The following PHACTR1 variants were observed in gnomAD, a reference collection of about 807,000 sequenced individuals.
PHACTR1 encodes the protein RPEL repeat containing 1.
A neutral mutation model predicts 69.2 loss-of-function variants in PHACTR1; 16 were observed. The ratio of observed to expected loss-of-function variants is 0.23; its 90% confidence interval spans 0.16 to 0.35. The LOEUF (loss-of-function observed/expected upper bound fraction) is 0.35, where lower values mean the gene tolerates loss of function less well. PHACTR1 is among the 10% of genes least tolerant of loss of function. The pLI, the probability that PHACTR1 is intolerant of heterozygous loss-of-function variation, is 1.00. For synonymous variants in PHACTR1, 312 were observed against 284.5 expected (o/e 1.10, Z -0.97); for missense variants, 510 against 734.7 (o/e 0.69, Z 3.54).
intron 4 of PHACTR1, among the ~76,000 whole-genome samples, chr6:12,968,637 CT>C (rs1225536194): frequency 6.6e-6 from 1 of 152,106 alleles, no homozygotes; most frequent in Non-Finnish European, 1.5e-5. Flanking sequence ...GTGATGTGAG[CT>C]TTTTTTGTCA....
intron 4 of PHACTR1, among the ~76,000 whole-genome samples, chr6:12,825,054 G>A (rs1776638648): frequency 6.6e-6 from 1 of 152,162 alleles, no homozygotes; most frequent in Non-Finnish European, 1.5e-5. Flanking sequence ...CAAGGCAGGA[G>A]GATAACTTGA....
In PHACTR1 at chr6:13,179,405, CGTGTGTGTGTGTGTGTGTGTGT is replaced by C. The variant is rs4053019; in HGVS notation, c.497-3095_497-3074del. ...TATACAGCCCATTACATTAATGTTT[CGTGTGTGTGTGTGTGTGTGTGT>C]GTGTGTGTGTGTGTGTGTTTAAAAA... On this transcript the variant is annotated intron_variant, in intron 6 of 14. Coordinates refer to ENST00000332995, the MANE Select transcript of PHACTR1 (RefSeq NM_030948.6). This position sits in a 1 kb window ranked among gnomAD's most constrained non-coding sequence, Gnocchi z 4.2. 7.0e-6 allele frequency among the ~76,000 whole-genome samples: 1 copy of C among 141,956 alleles called. No homozygotes were observed. The allele number at this position is 141,956 out of a possible 152,430, so 93.1% of individuals were successfully genotyped here. A position where few individuals can be genotyped will look rare whatever the true frequency, so the allele number is the denominator to read the frequency against.
intron 3 of PHACTR1, among the ~76,000 whole-genome samples, chr6:12,744,127 A>G (rs574329410): frequency 6.6e-6 from 1 of 152,268 alleles, no homozygotes; most frequent in African/African-American, 2.4e-5. Flanking sequence ...TTTACTTACC[A>G]TAGGTCAGGA....
chr6:13,140,696 T>C (rs1303649697), intron 5 of PHACTR1, among the ~76,000 whole-genome samples: 3 of 152,204 alleles, frequency 2.0e-5, no homozygotes, highest in African/African-American at 7.2e-5. Context: ...GTTGAAAAAG[T>C]TCTGGAGATG....
intron 3 of PHACTR1, among the ~76,000 whole-genome samples, chr6:12,745,883 G>A (rs1199351018): frequency 6.6e-6 from 1 of 152,164 alleles, no homozygotes; most frequent in East Asian, 1.9e-4. Context: ...TCACTTGGGT[G>A]GGGTAGTAGT....
chr6:13,157,846 G>A (rs375869046), intron 5 of PHACTR1, among the ~76,000 whole-genome samples: 3 of 139,322 alleles, frequency 2.2e-5, no homozygotes, highest in Non-Finnish European at 4.5e-5. Context: ...GTCTTCTTCC[G>A]CTGTGCTGCT....
intron 5 of PHACTR1, among the ~76,000 whole-genome samples, chr6:13,096,451 T>G (rs979736532): frequency 2.6e-5 from 4 of 152,230 alleles, no homozygotes; most frequent in African/African-American, 9.6e-5. Context: ...TCTTTTCCAC[T>G]CTTTAACCTT....
intron 8 of PHACTR1, among the ~76,000 whole-genome samples, chr6:13,206,625 T>TA (rs1765964829): frequency 6.6e-6 from 1 of 152,202 alleles, no homozygotes; most frequent in Non-Finnish European, 1.5e-5. Flanking sequence ...GAAAGGTTAA[T>TA]AAAAACAAAG....
chr6:13,082,324 A>G (rs954215094), intron 5 of PHACTR1, among the ~76,000 whole-genome samples: 1 of 152,188 alleles, frequency 6.6e-6, no homozygotes, highest in African/African-American at 2.4e-5. Context: ...TTATATCTTC[A>G]GTGTGCTGAA....
intron 4 of PHACTR1, among the ~76,000 whole-genome samples, chr6:12,956,431 C>G (rs1791905585): frequency 6.6e-6 from 1 of 152,110 alleles, no homozygotes; most frequent in Admixed American, 6.5e-5. Flanking sequence ...ATAACAGATG[C>G]TAAGACAGGG....
chr6:12,779,957 G>T (rs1399815271), intron 4 of PHACTR1, among the ~76,000 whole-genome samples: 3 of 152,232 alleles, frequency 2.0e-5, no homozygotes, highest in South Asian at 2.1e-4. Flanking sequence ...CTATTTGGAG[G>T]TTATTTCTGA....
At chr6:13,128,587 C>T (rs1489582701) in intron 5 of PHACTR1, among the ~76,000 whole-genome samples, 1 of 151,342 alleles carries the variant, frequency 6.6e-6, no homozygotes, top group Admixed American at 6.6e-5. Context: ...TTGAATTAAC[C>T]CAATCAGACA....
At chr6:13,108,177 T>C (rs75918975) in intron 5 of PHACTR1, among the ~76,000 whole-genome samples, 4,523 of 152,224 alleles carry the variant, frequency 0.03, 205 homozygotes, top group African/African-American at 0.1. Context: ...TTGTAATATA[T>C]AACTATTTTT....
At chr6:13,276,536 C>T (rs1219002645) in intron 11 of PHACTR1, among the ~76,000 whole-genome samples, 1 of 152,200 alleles carries the variant, frequency 6.6e-6, no homozygotes, top group African/African-American at 2.4e-5. Context: ...CTCTGGGAGG[C>T]TGAGGCGGGT....
At chr6:12,741,313 T>C (rs527522861) in intron 3 of PHACTR1, among the ~76,000 whole-genome samples, 29 of 152,164 alleles carry the variant, frequency 1.9e-4, no homozygotes, top group South Asian at 4.1e-4. Context: ...CATAAAAATA[T>C]TCTTTTATGA....
At chr6:13,069,438 A>G (rs1305053325) in intron 5 of PHACTR1, among the ~76,000 whole-genome samples, 1 of 151,874 alleles carries the variant, frequency 6.6e-6, no homozygotes, top group Non-Finnish European at 1.5e-5. Flanking sequence ...CCTCTGCCCC[A>G]CTTCCAGGCC....
rs566162020 is a variant in PHACTR1 at position 13,056,363 on chromosome 6, G to GTACT, written c.415+2835_415+2838dup. Among the ~76,000 whole-genome samples the GTACT allele has an allele frequency of 2.7e-3, 411 of 152,298 alleles. 2 individuals are homozygous for GTACT. Among genetic ancestry groups the GTACT allele is most frequent in the African/African-American group, 9.5e-3 (396 of 41,568 alleles). ...TTCAGTGAGCTGTGATCGTGCCACTGTACTCCAGCTTGGGTGACCAGCTGA... is the reference window on the plus strand; with the variant it reads ...TTCAGTGAGCTGTGATCGTGCCACTGTACTTACTCCAGCTTGGGTGACCAGCTGA... On this transcript the variant is annotated intron_variant, in intron 5 of 14. Transcript: ENST00000332995.
At chr6:12,779,078 G>A (rs577423858) in intron 4 of PHACTR1, among the ~76,000 whole-genome samples, 1 of 152,324 alleles carries the variant, frequency 6.6e-6, no homozygotes, top group East Asian at 1.9e-4. Context: ...GCTCATGCCT[G>A]TAATCCCAGC....
At chr6:13,081,506 C>T (rs918876838) in intron 5 of PHACTR1, among the ~76,000 whole-genome samples, 1 of 152,138 alleles carries the variant, frequency 6.6e-6, no homozygotes, top group African/African-American at 2.4e-5. Flanking sequence ...TATTTGAAAG[C>T]ACTGTATGAT....
Sources: allele counts gnomAD v4.1 joint callset (sites outside exome capture counted in the v4.1 genomes callset), GRCh38; gene constraint gnomAD v4.1.1; non-coding constraint Gnocchi (gnomAD v3.1); transcripts MANE v1.5; gene names NCBI Gene and HGNC (gene_info 2026-07-23, HGNC 2026-07-21).